Variants in INPP5D observed in about 807,000 individuals in gnomAD.
The protein encoded by INPP5D is phosphatidylinositol 3,4,5-trisphosphate 5-phosphatase 1.
A neutral mutation model predicts 122.9 loss-of-function variants in INPP5D; 33 were observed. The observed-to-expected ratio is 0.27, with a 90% CI of 0.20 to 0.36. The LOEUF is 0.36. Ranked by LOEUF, INPP5D falls within the 10% of genes least tolerant of loss-of-function variation. The pLI is 1.00. For missense variants in INPP5D, 1,053 were observed against 1,412.7 expected (o/e 0.75, Z 4.08); for synonymous variants, 584 against 576.2 (o/e 1.01, Z -0.19).
intron 2 of INPP5D, among the ~76,000 whole-genome samples, chr2:233,099,711 A>T (rs889537623): frequency 6.6e-6 from 1 of 152,208 alleles, no homozygotes; most frequent in African/African-American, 2.4e-5. Flanking sequence ...CTACATAATA[A>T]TCTGGATTTT....
intron 6 of INPP5D, among the ~76,000 whole-genome samples, chr2:233,143,368 G>A (rs1417957240): frequency 6.6e-6 from 1 of 152,184 alleles, no homozygotes; most frequent in African/African-American, 2.4e-5. Context: ...CGGGGGACCT[G>A]CAATTGCATT....
chr2:233,114,843 G>A (rs1001267707), intron 2 of INPP5D, among the ~76,000 whole-genome samples: 7 of 151,706 alleles, frequency 4.6e-5, no homozygotes, highest in Non-Finnish European at 8.8e-5. Context: ...AGCAACTGAA[G>A]CAGGGTATTT....
chr2:233,115,259 T>C (rs1420757962), intron 2 of INPP5D, among the ~76,000 whole-genome samples: 1 of 152,214 alleles, frequency 6.6e-6, no homozygotes, highest in Non-Finnish European at 1.5e-5. Context: ...TGGAAGAGCC[T>C]TGTGGGGGGT....
chr2:233,130,374 A>C, intron 4 of INPP5D, 134 bp from the exon 5 acceptor site: 1 of 983,656 alleles, frequency 1.0e-6, no homozygotes, highest in East Asian at 2.6e-5. Flanking sequence ...AGGTTTGCAA[A>C]CATTCTTCTG....
At position 233,170,678 on chromosome 2, in the gene INPP5D, C is replaced by T. The variant is rs182936303; in HGVS notation, c.1900+74C>T. The T allele has an allele frequency of 4.0e-4, 619 of 1,558,064 alleles. 6 individuals are homozygous for T. In the African/African-American group the frequency reaches 7.4e-3, roughly 19 times the overall value. On this transcript the variant is annotated intron_variant, in intron 16 of 26. Transcript: ENST00000445964. This position sits in a 1 kb window ranked among gnomAD's most constrained non-coding sequence, Gnocchi z 4.5. ...CAGCACTTTAGGAGGCCGAGGCGGG[C>T]GGATCACGAGATCAGGAGATGGAGA...
intron 2 of INPP5D, among the ~76,000 whole-genome samples, chr2:233,091,619 A>G (rs1435853745): frequency 6.6e-6 from 1 of 152,090 alleles, no homozygotes; most frequent in Non-Finnish European, 1.5e-5. Flanking sequence ...TCCCCTTATG[A>G]GGACTCTTGA....
intron 2 of INPP5D, among the ~76,000 whole-genome samples, chr2:233,086,970 C>T (rs1363970530): frequency 6.6e-6 from 1 of 152,124 alleles, no homozygotes; most frequent in Non-Finnish European, 1.5e-5. Context: ...TGTCAGACAT[C>T]CTTGGGCTCA....
Position 233,092,306 on chromosome 2 carries a change from C to G in INPP5D, c.198+12908C>G, listed in dbSNP as rs189559850. ...TGCCAGCTGTCACTTCTGTCTTCCCCAGAGTACCTCAAGAGTTTTACGAAA... is the reference window on the plus strand; with the variant it reads ...TGCCAGCTGTCACTTCTGTCTTCCCGAGAGTACCTCAAGAGTTTTACGAAA... On this transcript the variant is annotated intron_variant, in intron 2 of 26. Coordinates refer to ENST00000445964, the MANE Select transcript of INPP5D (RefSeq NM_001017915.3). Among the ~76,000 whole-genome samples, 481 of 152,324 alleles carry G rather than the reference C, an allele frequency of 3.2e-3. 2 individuals carry two copies. Among genetic ancestry groups the G allele is most frequent in the African/African-American group, 0.011 (455 of 41,558 alleles).
At position 233,195,358 on chromosome 2, in the gene INPP5D, G is replaced by C. The variant is rs1253900513; in HGVS notation, c.2597-41G>C. The C allele has an allele frequency of 3.7e-6, 6 of 1,613,204 alleles. No homozygotes were observed. The African/African-American group carries it at 8.0e-5, about 22-fold the overall frequency. ...GCCATCCCTCGCCTAAGCTCTGGAA[G>C]CTGGGCCCTCACATGCTCTTTCCCG... On this transcript the variant is annotated intron_variant, in intron 23 of 26. Transcript: ENST00000445964.
chr2:233,122,048 T>G (rs766468093), intron 2 of INPP5D, 59 bp from the exon 3 acceptor site: 10 of 1,595,640 alleles, frequency 6.3e-6, no homozygotes, highest in Non-Finnish European at 8.6e-6. Flanking sequence ...TTGGCCTTTG[T>G]GGTTGGCTGA....
At chr2:233,087,075 T>C (rs966607938) in intron 2 of INPP5D, among the ~76,000 whole-genome samples, 1 of 152,206 alleles carries the variant, frequency 6.6e-6, no homozygotes, top group Non-Finnish European at 1.5e-5. Context: ...TTCTTGCTTA[T>C]TGCAGGATGG....
rs1214805729 is a variant in INPP5D, at chr2:233,146,224, G to T, written c.816G>T (p.Leu272Phe). Reference sequence around the variant, plus strand: ...AGCTCAGCCAACTGACAAGCCTGTTGTCGTCCATTGAAGACAAGGTACGTG... The same window carrying T: ...AGCTCAGCCAACTGACAAGCCTGTTTTCGTCCATTGAAGACAAGGTACGTG... ...VSKLSQLTSL[L>F]SSIEDKVKAL... Residue 272 changes from leucine to phenylalanine, a missense_variant, in exon 7 of 27, where the codon TTG (leucine) becomes TTT (phenylalanine). By Grantham distance (22) the Leu-to-Phe change is conservative (BLOSUM62 0). Coordinates refer to ENST00000445964, the MANE Select transcript of INPP5D (RefSeq NM_001017915.3). 1 of 704,268 alleles carries T rather than the reference G, an allele frequency of 1.4e-6. No homozygotes were observed. The highest frequency in any genetic ancestry group is 2.6e-6 in the Non-Finnish European group (1 of 385,006). 43.6% of individuals were successfully genotyped at this position (704,268 alleles called of 1,614,324 possible).
At chr2:233,195,517 T>C in intron 24 of INPP5D, 22 bp downstream of exon 24, 2 of 1,610,846 alleles carry the variant, frequency 1.2e-6, no homozygotes. Flanking sequence ...GTGGGGTGGG[T>C]GTTGGGGGGG....
Position 233,060,468 on chromosome 2 carries a change from C to G in INPP5D, c.-11C>G. On this transcript the variant is annotated 5_prime_UTR_variant, in exon 1 of 27. Coordinates refer to ENST00000445964, the MANE Select transcript of INPP5D (RefSeq NM_001017915.3). The stretch of plus-strand genomic sequence containing the variant: ...TGCCTGCCGGCCCGGCCGAGGAGGC[C>G]CACGCCCACCATGGTCCCCTGCTGG... The G allele has an allele frequency of 6.3e-7, 1 of 1,596,274 alleles. No homozygotes were observed. Among genetic ancestry groups the G allele is most frequent in the African/African-American group, 1.3e-5 (1 of 74,746 alleles).
intron 5 of INPP5D, among the ~76,000 whole-genome samples, chr2:233,136,477 TA>T (rs56838121): frequency 2.8e-4 from 41 of 145,038 alleles, no homozygotes; most frequent in Admixed American, 2.7e-4. Flanking sequence ...AGACCGCGTT[TA>T]AAAAAAAAAA....
intron 2 of INPP5D, among the ~76,000 whole-genome samples, chr2:233,112,863 G>T (rs573439828): frequency 6.6e-6 from 1 of 152,118 alleles, no homozygotes; most frequent in East Asian, 1.9e-4. Flanking sequence ...TCACCATGTT[G>T]GCCAGGCTGG....
chr2:233,202,973 C>T (rs985595095), intron 25 of INPP5D, among the ~76,000 whole-genome samples: 2 of 152,212 alleles, frequency 1.3e-5, no homozygotes, highest in African/African-American at 4.8e-5. Flanking sequence ...ACAGCCACCA[C>T]GTGTTCCTTC....
intron 2 of INPP5D, among the ~76,000 whole-genome samples, chr2:233,104,573 G>C (rs1692413272): frequency 6.6e-6 from 1 of 152,130 alleles, no homozygotes; most frequent in South Asian, 2.1e-4. Context: ...GGCTCAGGGA[G>C]GGATGGTCGT....
intron 17 of INPP5D, among the ~76,000 whole-genome samples, chr2:233,174,791 C>CAAAAAAAAAAAAAAAAA (rs34082998): frequency 1.0e-5 from 1 of 96,870 alleles, no homozygotes; most frequent in Non-Finnish European, 2.1e-5. Flanking sequence ...GACCCTGTCT[C>CAAAAAAAAAAAAAAAAA]AAAAAAAAAA....
Sources: allele counts gnomAD v4.1 joint callset (sites outside exome capture counted in the v4.1 genomes callset), GRCh38; gene constraint gnomAD v4.1.1; non-coding constraint Gnocchi (gnomAD v3.1); transcripts MANE v1.5; gene names NCBI Gene and HGNC (gene_info 2026-07-23, HGNC 2026-07-21).